RAB5A: variants seen among roughly 807,000 people sequenced by gnomAD.
RAB5A encodes the protein RAB5A, member RAS oncogene family, also known as ras-related protein Rab-5A.
RAB5A carries 8 observed loss-of-function variants against 25.7 expected under a neutral mutation model. The observed-to-expected ratio is 0.31, with a 90% CI of 0.18 to 0.56. The LOEUF (loss-of-function observed/expected upper bound fraction) is 0.56. Among genes scored for constraint, RAB5A ranks in the 20% least tolerant of loss-of-function variants. The pLI, the probability that RAB5A is intolerant of heterozygous loss-of-function variation, is 0.91. For synonymous variants in RAB5A, 98 were observed against 89.8 expected (o/e 1.09, Z -0.52); for missense variants, 192 against 259.7 (o/e 0.74, Z 1.79).
chr3:19,973,776 A>G (rs1696784259), intron 2 of RAB5A, among the ~76,000 whole-genome samples: 1 of 152,178 alleles, frequency 6.6e-6, no homozygotes, highest in South Asian at 2.1e-4. Flanking sequence ...TTAGTTGTTG[A>G]TACTAAAGCC....
intron 2 of RAB5A, among the ~76,000 whole-genome samples, chr3:19,973,241 C>G (rs1352483901): frequency 6.6e-6 from 1 of 152,106 alleles, no homozygotes; most frequent in Non-Finnish European, 1.5e-5. Flanking sequence ...CAGTCCTCCA[C>G]AGATACTGAG....
chr3:19,969,964 CGGCT>C (rs1212222557), intron 2 of RAB5A, among the ~76,000 whole-genome samples: 164 of 151,450 alleles, frequency 1.1e-3, no homozygotes, highest in Non-Finnish European at 2.0e-3. Flanking sequence ...CCACCATGCC[CGGCT>C]AATTTGTATT....
intron 2 of RAB5A, among the ~76,000 whole-genome samples, chr3:19,969,751 C>T (rs1696717671): frequency 6.6e-6 from 1 of 151,996 alleles, no homozygotes; most frequent in Non-Finnish European, 1.5e-5. Flanking sequence ...TGTATTTTTC[C>T]CCTTTCTGTT....
intron 4 of RAB5A, among the ~76,000 whole-genome samples, chr3:19,977,986 CAA>C (rs1006762584): frequency 3.9e-5 from 6 of 152,136 alleles, no homozygotes; most frequent in African/African-American, 1.4e-4. Flanking sequence ...CCGTTGAGAT[CAA>C]AGAGAGTTTT....
intron 2 of RAB5A, among the ~76,000 whole-genome samples, chr3:19,952,915 T>C (rs1696444574): frequency 6.7e-6 from 1 of 149,580 alleles, no homozygotes; most frequent in African/African-American, 2.6e-5. Flanking sequence ...GTAGGAAAAG[T>C]TTAAAGACTG....
At chr3:19,958,672 T>A (rs1157371506) in intron 2 of RAB5A, among the ~76,000 whole-genome samples, 1 of 152,182 alleles carries the variant, frequency 6.6e-6, no homozygotes, top group Non-Finnish European at 1.5e-5. Flanking sequence ...GGCAAAACAC[T>A]GTCTCTACTA....
intron 1 of RAB5A, among the ~76,000 whole-genome samples, chr3:19,950,430 G>GT (rs1219562609): frequency 1.3e-5 from 2 of 152,196 alleles, no homozygotes; most frequent in African/African-American, 4.8e-5. Flanking sequence ...GGTTGCCTGG[G>GT]TTTGAAACTC....
chr3:19,967,023 T>G (rs572704837), intron 2 of RAB5A, among the ~76,000 whole-genome samples: 5 of 152,342 alleles, frequency 3.3e-5, no homozygotes, highest in Admixed American at 3.3e-4. Context: ...GAACGCCTGC[T>G]TAAGCAGTTC....
chr3:19,949,490 C>G (rs1341525637), intron 1 of RAB5A, among the ~76,000 whole-genome samples: 1 of 152,104 alleles, frequency 6.6e-6, no homozygotes, highest in African/African-American at 2.4e-5. Flanking sequence ...GTATAAGCCA[C>G]TCTGTCCAGT....
intron 5 of RAB5A, among the ~76,000 whole-genome samples, chr3:19,982,450 C>A (rs903943785): frequency 1.3e-5 from 2 of 152,134 alleles, no homozygotes; most frequent in African/African-American, 4.8e-5. Flanking sequence ...TTCCTTTGCC[C>A]AAAGCATAGA....
chr3:19,953,777 T>C (rs1231502648), intron 2 of RAB5A, among the ~76,000 whole-genome samples: 1 of 152,194 alleles, frequency 6.6e-6, no homozygotes, highest in Non-Finnish European at 1.5e-5. Context: ...ATTCAGGAGG[T>C]ATGACAGTAC....
At position 19,964,180 on chromosome 3, in the gene RAB5A, A is replaced by G. The variant is rs11918798; in HGVS notation, c.164-11421A>G. On this transcript the variant is annotated intron_variant, in intron 2 of 5. Coordinates refer to ENST00000273047, the MANE Select transcript of RAB5A (RefSeq NM_004162.5). ...CATTTGACAAGTTTAGTGAAGTACT[A>G]TTGAACTGTTCAGTAAAGTATCTGT... 4.4e-3 allele frequency among the ~76,000 whole-genome samples: 672 copies of G among 152,048 alleles called. 3 individuals are homozygous for G. The highest frequency in any genetic ancestry group is 0.015 in the African/African-American group (611 of 41,304).
chr3:19,974,428 C>CAG (rs1696793118), intron 2 of RAB5A, among the ~76,000 whole-genome samples: 2 of 152,178 alleles, frequency 1.3e-5, no homozygotes, highest in Non-Finnish European at 2.9e-5. Flanking sequence ...GCTGGGATTA[C>CAG]AGGCATGAGC....
At chr3:19,955,377 C>G (rs1301983618) in intron 2 of RAB5A, among the ~76,000 whole-genome samples, 1 of 152,130 alleles carries the variant, frequency 6.6e-6, no homozygotes, top group Non-Finnish European at 1.5e-5. Context: ...GTTCCCACTT[C>G]CAGAAGTAGC....
chr3:19,979,602 GA>G (rs1696884393), intron 5 of RAB5A, among the ~76,000 whole-genome samples: 1 of 152,112 alleles, frequency 6.6e-6, no homozygotes, highest in Non-Finnish European at 1.5e-5. Flanking sequence ...ACTTTTAACT[GA>G]TGGTAATTGC....
chr3:19,978,483 TA>T, intron 5 of RAB5A, 80 bp downstream of exon 5: 1 of 1,073,948 alleles, frequency 9.3e-7, no homozygotes. Flanking sequence ...GTCTCTTTTT[TA>T]AAAAATTTTT....
chr3:19,978,211 G>T lies in RAB5A; in HGVS notation c.439-99G>T, dbSNP rs112681663. 1,861 of 795,886 alleles carry T rather than the reference G, an allele frequency of 2.3e-3. 6 individuals are homozygous for T. The highest frequency in any genetic ancestry group is 4.2e-3 in the South Asian group (287 of 68,710). The allele number at this position is 795,886 out of a possible 1,614,324, so 49.3% of individuals were successfully genotyped here. On this transcript the variant is annotated intron_variant, in intron 4 of 5. Transcript: ENST00000273047. Reference sequence around the variant, plus strand: ...AGATGATTATAGGAATCAGGTTGTAGTAATAAGAAAGTCTCCTTTTCTATA... The same window carrying T: ...AGATGATTATAGGAATCAGGTTGTATTAATAAGAAAGTCTCCTTTTCTATA...
At chr3:19,977,961 T>G (rs1317819369) in intron 4 of RAB5A, among the ~76,000 whole-genome samples, 1 of 152,238 alleles carries the variant, frequency 6.6e-6, no homozygotes, top group Non-Finnish European at 1.5e-5. Flanking sequence ...AGACAGTAAG[T>G]GCAAATAAAA....
At chr3:19,975,517 A>T (rs1400280719) in intron 2 of RAB5A, 84 bp from the exon 3 acceptor site, 1 of 1,319,184 alleles carries the variant, frequency 7.6e-7, no homozygotes, top group East Asian at 2.4e-5. Flanking sequence ...TGACATTTTG[A>T]TAGATGTATA....
Sources: allele counts gnomAD v4.1 joint callset (sites outside exome capture counted in the v4.1 genomes callset), GRCh38; gene constraint gnomAD v4.1.1; transcripts MANE v1.5; gene names NCBI Gene and HGNC (gene_info 2026-07-23, HGNC 2026-07-21).